The following ASCC3 variants were observed in gnomAD, a reference collection of about 807,000 sequenced individuals.
ASCC3 encodes ASC-1 complex subunit P200.
In ASCC3, 158 loss-of-function variants were observed where a neutral mutation model predicts 256.3. That is an observed-to-expected ratio of 0.62 (90% confidence interval 0.54 to 0.70). The LOEUF is 0.70. ASCC3 is among the 30% of genes least tolerant of loss of function. The pLI, the probability that ASCC3 is intolerant of heterozygous loss-of-function variation, is 0.00. For missense variants in ASCC3, 2,259 were observed against 2,626.0 expected (o/e 0.86, Z 3.05); for synonymous variants, 948 against 883.4 (o/e 1.07, Z -1.30).
At chr6:100,698,130 T>TAGGTGTA (rs2114994401) in intron 13 of ASCC3, among the ~76,000 whole-genome samples, 1 of 152,254 alleles carries the variant, frequency 6.6e-6, no homozygotes, top group African/African-American at 2.4e-5. Context: ...ATAGGAGTAT[T>TAGGTGTA]AGGTGTAAGG....
chr6:100,811,723 T>C (rs1209232482), intron 4 of ASCC3, among the ~76,000 whole-genome samples: 2 of 152,090 alleles, frequency 1.3e-5, no homozygotes, highest in Admixed American at 6.6e-5. Context: ...AAGTACTCTA[T>C]GAAAAACATC....
rs1484094164 is a variant in ASCC3, at chr6:100,655,688, G to A, written c.2823+11C>T. On this transcript the variant is annotated intron_variant, in intron 17 of 41. Transcript: ENST00000369162. ...GGTCTGAATTTTTTTTTTAATAAAT[G>A]AGTTTTCTACCTGATAAGCCTTGTG... is the stretch of plus-strand genomic sequence containing the variant. 1 of 1,607,966 alleles carries A rather than the reference G, an allele frequency of 6.2e-7. No homozygotes were observed. The highest frequency in any genetic ancestry group is 1.1e-5 in the South Asian group (1 of 90,890).
chr6:100,607,205 T>A, intron 30 of ASCC3, 117 bp from the exon 31 acceptor site: 1 of 1,043,032 alleles, frequency 9.6e-7, no homozygotes, highest in Non-Finnish European at 1.4e-6. Context: ...ACATAAAATA[T>A]AAGTCCTATA....
intron 17 of ASCC3, 49 bp downstream of exon 17, chr6:100,655,649 AG>A: frequency 1.3e-6 from 2 of 1,587,862 alleles, no homozygotes; most frequent in East Asian, 4.5e-5. Context: ...ATATCATGAA[AG>A]AACCAAAAAG....
chr6:100,808,298 T>C (rs190959562), intron 4 of ASCC3, among the ~76,000 whole-genome samples: 8 of 151,862 alleles, frequency 5.3e-5, no homozygotes, highest in Admixed American at 2.6e-4. Flanking sequence ...AAAAAATCCA[T>C]TAAAAATGAG....
At chr6:100,791,075 T>C (rs1162936273) in intron 8 of ASCC3, among the ~76,000 whole-genome samples, 1 of 151,832 alleles carries the variant, frequency 6.6e-6, no homozygotes, top group Non-Finnish European at 1.5e-5. Flanking sequence ...ATTTAAATAA[T>C]TGCTGAGAGT....
chr6:100,629,383 G>C (rs1207609322), intron 26 of ASCC3, among the ~76,000 whole-genome samples: 2 of 151,966 alleles, frequency 1.3e-5, no homozygotes, highest in African/African-American at 4.8e-5. Context: ...ATAAAATGAA[G>C]GTCATATAAA....
In ASCC3 at chr6:100,754,175, A is replaced by C. The variant is rs1033185839; in HGVS notation, c.1737+12390T>G. Among the ~76,000 whole-genome samples, 6 of 152,218 alleles carry C rather than the reference A, an allele frequency of 3.9e-5. No individual in the cohort carries two copies. The South Asian group carries it at 1.2e-3, about 31-fold the overall frequency. On this transcript the variant is annotated intron_variant, in intron 10 of 41. Transcript: ENST00000369162. The stretch of plus-strand genomic sequence containing the variant: ...TCAATTGCAACATTATAAAGCAAAA[A>C]AAGTATAATTAGTCATAAAATATAA...
chr6:100,510,015 T>C lies in ASCC3; in HGVS notation c.6378A>G (p.Glu2126=), dbSNP rs758898381. ...ATCCTACTCTTTTCAAAGCAATAAG[T>C]TCTCTCTTATCCACTTCTCCTAATA... ...FLILGEVDKR[E]LIALKRVGYI... is the part of the protein sequence containing the mutation. Residue 2126 remains glutamate (E), a synonymous_variant, in exon 41 of 42, where the codon GAA becomes GAG. Coordinates refer to ENST00000369162, the MANE Select transcript of ASCC3 (RefSeq NM_006828.4). 1.2e-6 allele frequency: 2 copies of C among 1,614,112 alleles called. No individual in the cohort carries two copies. The highest frequency in any genetic ancestry group is 1.3e-5 in the African/African-American group (1 of 75,058).
At chr6:100,852,877 A>C (rs1200829909) in intron 3 of ASCC3, among the ~76,000 whole-genome samples, 1 of 152,156 alleles carries the variant, frequency 6.6e-6, no homozygotes, top group Admixed American at 6.5e-5. Context: ...GGATGCACTT[A>C]GAAGGTCCCT....
chr6:100,563,689 T>TA (rs1423590435), intron 36 of ASCC3, among the ~76,000 whole-genome samples: 1 of 152,160 alleles, frequency 6.6e-6, no homozygotes, highest in Non-Finnish European at 1.5e-5. Flanking sequence ...CAATCCCATA[T>TA]GTAAGGCTAA....
At position 100,827,264 on chromosome 6, in the gene ASCC3, TA is replaced by T. The variant is rs1475007564; in HGVS notation, c.801+20883del. 3.3e-5 allele frequency among the ~76,000 whole-genome samples: 5 copies of T among 152,346 alleles called. No individual in the cohort carries two copies. In the East Asian group the frequency reaches 7.7e-4, roughly 23 times the overall value. On this transcript the variant is annotated intron_variant, in intron 4 of 41. Coordinates refer to ENST00000369162, the MANE Select transcript of ASCC3 (RefSeq NM_006828.4). ...TATTATAATGACAAGTAACCACCAT[TA>T]CAGTATCATTCAGAATCATTTCAGT... is the stretch of plus-strand genomic sequence containing the variant.
chr6:100,618,611 G>A (rs1773785855), intron 30 of ASCC3, among the ~76,000 whole-genome samples: 1 of 152,128 alleles, frequency 6.6e-6, no homozygotes, highest in Non-Finnish European at 1.5e-5. Flanking sequence ...TTTTCCTCAC[G>A]AAGGCCCAGC....
intron 40 of ASCC3, among the ~76,000 whole-genome samples, chr6:100,512,361 A>G (rs747595274): frequency 1.9e-4 from 29 of 152,168 alleles, no homozygotes; most frequent in Non-Finnish European, 4.1e-4. Context: ...ATAGATTTTG[A>G]GATTCCCGCC....
At chr6:100,789,657 G>A (rs111487227) in intron 8 of ASCC3, among the ~76,000 whole-genome samples, 58 of 151,962 alleles carry the variant, frequency 3.8e-4, no homozygotes, top group African/African-American at 5.8e-4. Context: ...TGTTAAAAAC[G>A]TATAAGTTTA....
intron 8 of ASCC3, among the ~76,000 whole-genome samples, chr6:100,774,510 C>T (rs1227002119): frequency 2.6e-5 from 4 of 152,050 alleles, no homozygotes; most frequent in African/African-American, 9.7e-5. Context: ...ATACTACAGG[C>T]GCCCATCACC....
intron 27 of ASCC3, among the ~76,000 whole-genome samples, chr6:100,628,555 G>A (rs1774369389): frequency 6.6e-6 from 1 of 152,014 alleles, no homozygotes; most frequent in Non-Finnish European, 1.5e-5. Flanking sequence ...AGACCTAGTT[G>A]TTTAAAAGTG....
chr6:100,620,068 GT>G (rs1313398780), intron 30 of ASCC3, among the ~76,000 whole-genome samples: 2 of 152,136 alleles, frequency 1.3e-5, no homozygotes, highest in Non-Finnish European at 2.9e-5. Context: ...AAGGGCCATA[GT>G]GGACCTTTGT....
intron 36 of ASCC3, among the ~76,000 whole-genome samples, chr6:100,542,607 G>C (rs1457823698): frequency 1.3e-5 from 2 of 151,924 alleles, no homozygotes; most frequent in Admixed American, 6.6e-5. Flanking sequence ...GCTTGAACTC[G>C]GGAGGCAGAG....
Sources: allele counts gnomAD v4.1 joint callset (sites outside exome capture counted in the v4.1 genomes callset), GRCh38; gene constraint gnomAD v4.1.1; transcripts MANE v1.5; gene names NCBI Gene and HGNC (gene_info 2026-07-23, HGNC 2026-07-21).